Variants in CLASP2 observed in about 807,000 individuals in gnomAD.
CLASP2 encodes the protein cytoplasmic linker associated protein 2.
CLASP2 carries 47 observed loss-of-function variants against 194.4 expected under a neutral mutation model. That is an observed-to-expected ratio of 0.24 (90% CI 0.19 to 0.31). The LOEUF (loss-of-function observed/expected upper bound fraction) is 0.31. Among genes scored for constraint, CLASP2 ranks in the 10% least tolerant of loss-of-function variants. The pLI is 1.00. For synonymous variants in CLASP2, 619 were observed against 633.5 expected (o/e 0.98, Z 0.34); for missense variants, 1,445 against 1,823.6 (o/e 0.79, Z 3.78).
intron 5 of CLASP2, among the ~76,000 whole-genome samples, chr3:33,685,720 T>C (rs904140020): frequency 1.1e-4 from 16 of 151,518 alleles, no homozygotes; most frequent in African/African-American, 3.6e-4. Flanking sequence ...AAAGAACAAA[T>C]ATTCTATCAT....
At chr3:33,656,837 C>T (rs556950821) in intron 7 of CLASP2, among the ~76,000 whole-genome samples, 2 of 152,120 alleles carry the variant, frequency 1.3e-5, no homozygotes, top group Admixed American at 6.5e-5. Context: ...AAAGCTCCAT[C>T]CCATACTGAG....
rs181699591 is a variant in CLASP2 at position 33,583,985 on chromosome 3, T to C, written c.2239+765A>G. Among the ~76,000 whole-genome samples the C allele has an allele frequency of 3.6e-3, 546 of 152,278 alleles. 4 individuals carry two copies. The highest frequency in any genetic ancestry group is 4.5e-3 in the Admixed American group (69 of 15,304). On this transcript the variant is annotated intron_variant, in intron 22 of 38. Transcript: ENST00000682230. ...GTTAATTAGTCAATCCTGAAGGCCGTACAATCTTCAAACTTAACTAATAAA... is the reference window on the plus strand; with the variant it reads ...GTTAATTAGTCAATCCTGAAGGCCGCACAATCTTCAAACTTAACTAATAAA...
intron 24 of CLASP2, 40 bp downstream of exon 24, chr3:33,576,129 A>C: frequency 6.6e-7 from 1 of 1,523,658 alleles, no homozygotes; most frequent in Non-Finnish European, 9.1e-7. Context: ...CAGTTTCGTA[A>C]TTGGAACATT....
rs1287624758 is a variant in CLASP2 at position 33,692,411 on chromosome 3, G to A, written c.275-2479C>T. 3.9e-5 allele frequency among the ~76,000 whole-genome samples: 6 copies of A among 152,162 alleles called. No individual in the cohort carries two copies. The East Asian group carries it at 5.8e-4, about 15-fold the overall frequency. ...ACTTTAATATTAAAAACCATTTTAC[G>A]AAACATAAACAAAAACAAAAAACTT... On this transcript the variant is annotated intron_variant, in intron 2 of 38. Coordinates refer to ENST00000682230, the MANE Select transcript of CLASP2 (RefSeq NM_001365631.1).
At chr3:33,704,994 CT>C (rs1368799560) in intron 1 of CLASP2, among the ~76,000 whole-genome samples, 1 of 152,002 alleles carries the variant, frequency 6.6e-6, no homozygotes, top group Non-Finnish European at 1.5e-5. Flanking sequence ...GCAGTTCCTC[CT>C]AAAGTTAAAC....
chr3:33,643,008 T>C (rs1274804928), intron 8 of CLASP2, among the ~76,000 whole-genome samples: 1 of 151,908 alleles, frequency 6.6e-6, no homozygotes, highest in African/African-American at 2.4e-5. Context: ...AAGTGATTAA[T>C]TACTATACTC....
At chr3:33,511,299 C>T (rs1361095764) in intron 36 of CLASP2, among the ~76,000 whole-genome samples, 1 of 152,102 alleles carries the variant, frequency 6.6e-6, no homozygotes, top group East Asian at 1.9e-4. Flanking sequence ...CTCGGCCTCA[C>T]AAAGTGCTGG....
rs779268624 is a variant in CLASP2 at position 33,608,619 on chromosome 3, A to G, written c.1396T>C (p.Phe466Leu). The G allele has an allele frequency of 6.2e-7, 1 of 1,608,164 alleles. No individual in the cohort carries two copies. The highest frequency in any genetic ancestry group is 1.7e-5 in the Admixed American group (1 of 59,514). Residue 466 changes from phenylalanine to leucine, a missense_variant, in exon 14 of 39, where the codon TTT becomes CTT. Phe to Leu is a conservative substitution (Grantham distance 22). This residue lies in a region of CLASP2 where 207 missense variants were observed against 331.4 expected (regional missense o/e 0.62). Transcript: ENST00000682230. ...TGCAACAATAAATCTAAAAATTCAA[A>G]TGAACGTCTGAAAAATAAAAGTTGA... ...SKSVPVRRRS[F>L]EFLDLLLQEW...
At chr3:33,547,767 CT>C in intron 30 of CLASP2, among the ~76,000 whole-genome samples, 1 of 148,768 alleles carries the variant, frequency 6.7e-6, no homozygotes, top group East Asian at 2.0e-4. Context: ...CTGGGCTTTT[CT>C]TTGTGCAGTT....
At chr3:33,593,862 GAC>G (rs1420382845) in intron 20 of CLASP2, among the ~76,000 whole-genome samples, 1 of 151,962 alleles carries the variant, frequency 6.6e-6, no homozygotes, top group Non-Finnish European at 1.5e-5. Flanking sequence ...TTTATTTCTT[GAC>G]ACACAATCTT....
At chr3:33,621,750 A>C (rs967995720) in intron 11 of CLASP2, among the ~76,000 whole-genome samples, 1 of 152,188 alleles carries the variant, frequency 6.6e-6, no homozygotes, top group Non-Finnish European at 1.5e-5. Flanking sequence ...TGCTAAGTTA[A>C]TGATGCATGT....
At chr3:33,671,381 TA>T (rs1282279354) in intron 6 of CLASP2, among the ~76,000 whole-genome samples, 1 of 152,114 alleles carries the variant, frequency 6.6e-6, no homozygotes, top group African/African-American at 2.4e-5. Context: ...AGAGAGCAAG[TA>T]ACAGAACCAG....
intron 7 of CLASP2, among the ~76,000 whole-genome samples, chr3:33,654,165 C>T (rs758778391): frequency 3.4e-4 from 52 of 152,104 alleles, no homozygotes; most frequent in Non-Finnish European, 5.7e-4. Context: ...AGAGAAGTGA[C>T]TATTTCTAAG....
intron 25 of CLASP2, among the ~76,000 whole-genome samples, chr3:33,572,227 C>T (rs1298467184): frequency 1.3e-5 from 2 of 152,152 alleles, no homozygotes; most frequent in African/African-American, 4.8e-5. Context: ...TACTCCCTTG[C>T]CATTTACAAT....
At position 33,602,936 on chromosome 3, in the gene CLASP2, T is replaced by C. The variant is rs772684887; in HGVS notation, c.1924+16A>G. 4.4e-6 allele frequency: 7 copies of C among 1,602,562 alleles called. No homozygotes were observed. In the South Asian group the frequency reaches 4.5e-5, roughly 10 times the overall value. On this transcript the variant is annotated intron_variant, in intron 18 of 38. Coordinates refer to ENST00000682230, the MANE Select transcript of CLASP2 (RefSeq NM_001365631.1). ...GGAGAGAACATGGTACAATTTTCCA[T>C]AATCAGTTCTCTTACCTAGTGACGC...
intron 21 of CLASP2, chr3:33,588,619 G>T (rs1296909071): frequency 1.5e-6 from 1 of 678,428 alleles, no homozygotes; most frequent in African/African-American, 1.8e-5. Flanking sequence ...ATGACGTTAA[G>T]AATTTCTGCT....
At position 33,594,942 on chromosome 3, in the gene CLASP2, A is replaced by C. The variant is rs1340864793; in HGVS notation, c.1966+9T>G. The C allele has an allele frequency of 1.4e-6, 2 of 1,385,594 alleles. No individual in the cohort carries two copies. The highest frequency in any genetic ancestry group is 5.2e-5 in the East Asian group (2 of 38,414). The allele number at this position is 1,385,594 out of a possible 1,614,324, so 85.8% of individuals were successfully genotyped here. On this transcript the variant is annotated intron_variant, in intron 20 of 38. Coordinates refer to ENST00000682230, the MANE Select transcript of CLASP2 (RefSeq NM_001365631.1). ...TATTTGTGTTACTAACAAAATGTAT[A>C]GTTCTTACCATCTTCAGATGCTGTT...
At chr3:33,684,269 T>TA in intron 6 of CLASP2, 90 bp downstream of exon 6, 2 of 656,386 alleles carry the variant, frequency 3.0e-6, no homozygotes, top group Middle Eastern at 6.3e-4. Context: ...AATAAATAAA[T>TA]AAAAAATACA....
intron 12 of CLASP2, among the ~76,000 whole-genome samples, chr3:33,612,435 T>C (rs1003295661): frequency 1.2e-4 from 18 of 152,300 alleles, no homozygotes; most frequent in African/African-American, 4.1e-4. Context: ...AAAATCATAA[T>C]TGCCATGTCA....
Sources: gnomAD v4.1 joint callset for allele counts (sites outside exome capture counted in the v4.1 genomes callset) on GRCh38, gnomAD v4.1.1 for gene constraint, gnomAD v4.1.1 regional missense constraint, MANE v1.5 for transcripts, NCBI Gene and HGNC (gene_info 2026-07-23, HGNC 2026-07-21) for gene names.